Variants in DST observed in about 807,000 individuals in gnomAD.
The protein encoded by DST is bullous pemphigoid antigen.
A neutral mutation model predicts 875.2 loss-of-function variants in DST; 253 were observed. That is an observed-to-expected ratio of 0.29 (90% CI 0.26 to 0.32). DST has a LOEUF of 0.32. Among genes scored for constraint, DST ranks in the 10% least tolerant of loss-of-function variants. The pLI is 1.00. For synonymous variants in DST, 3,124 were observed against 3,197.1 expected (o/e 0.98, Z 0.77); for missense variants, 8,287 against 9,111.6 (o/e 0.91, Z 3.68).
At chr6:56,688,720 T>C (rs952690097) in intron 9 of DST, among the ~76,000 whole-genome samples, 25 of 152,218 alleles carry the variant, frequency 1.6e-4, no homozygotes, top group African/African-American at 5.3e-4. Context: ...AGGTGACTAA[T>C]TCTCAGGTGA....
At chr6:56,521,491 A>C (rs1340506917) in intron 69 of DST, among the ~76,000 whole-genome samples, 1 of 151,602 alleles carries the variant, frequency 6.6e-6, no homozygotes, top group Non-Finnish European at 1.5e-5. Flanking sequence ...AAAAAAAAAA[A>C]AAACTTTCCA....
At chr6:56,633,996 T>C (rs1050454126) in intron 27 of DST, 136 bp downstream of exon 27, 8 of 1,060,716 alleles carry the variant, frequency 7.5e-6, no homozygotes, top group Admixed American at 5.2e-5. Context: ...ATAACAAATA[T>C]TCATTGAATA....
chr6:56,726,175 A>C (rs1347018762), intron 5 of DST, among the ~76,000 whole-genome samples: 1 of 152,152 alleles, frequency 6.6e-6, no homozygotes, highest in Non-Finnish European at 1.5e-5. Context: ...CAAATGACTC[A>C]GTTTCCAAAC....
chr6:56,703,233 C>T (rs2099318414), intron 7 of DST, among the ~76,000 whole-genome samples: 1 of 152,134 alleles, frequency 6.6e-6, no homozygotes, highest in South Asian at 2.1e-4. Flanking sequence ...AAAAAAATTT[C>T]CCTAAGTTCT....
chr6:56,646,523 G>A (rs1170118338), intron 13 of DST, among the ~76,000 whole-genome samples: 1 of 151,998 alleles, frequency 6.6e-6, no homozygotes, highest in Non-Finnish European at 1.5e-5. Context: ...CCCAAATGCT[G>A]CACTTTAGCT....
chr6:56,482,187 TCACA>T lies in DST; in HGVS notation c.21403-13_21403-10del. On this transcript the variant is annotated splice_polypyrimidine_tract_variant and intron_variant, in intron 89 of 103. Transcript: ENST00000680361. ...GAGTGGAATTCCTCTGCCTAAGAGT[TCACA>T]CACACACACACCCCAAACAAAATTC... 6.3e-7 allele frequency: 1 copy of T among 1,590,648 alleles called. No homozygotes were observed. The highest frequency in any genetic ancestry group is 8.6e-7 in the Non-Finnish European group (1 of 1,161,444).
chr6:56,718,355 A>C (rs1012807062), intron 5 of DST, among the ~76,000 whole-genome samples: 3 of 152,236 alleles, frequency 2.0e-5, no homozygotes, highest in African/African-American at 7.2e-5. Context: ...ATTAAAATTA[A>C]AATGAGCTAA....
chr6:56,564,789 A>T (rs1193519722), intron 55 of DST, among the ~76,000 whole-genome samples: 1 of 152,108 alleles, frequency 6.6e-6, no homozygotes, highest in Non-Finnish European at 1.5e-5. Context: ...GGAGGGTTGA[A>T]TGTTATCGAA....
rs562245278 is a variant in DST at position 56,578,286 on chromosome 6, G to A, written c.13027+528C>T. 3.9e-5 allele frequency among the ~76,000 whole-genome samples: 6 copies of A among 152,274 alleles called. No individual in the cohort carries two copies. The South Asian group carries it at 1.2e-3, about 32-fold the overall frequency. On this transcript the variant is annotated intron_variant, in intron 50 of 103. Coordinates refer to ENST00000680361, the MANE Select transcript of DST (RefSeq NM_001374736.1). ...CTTCTCAGGAGGCTGAGATGAGGAA[G>A]ACTGCTTGAGCCCAGGAAGTCAAGG... is the stretch of plus-strand genomic sequence containing the variant.
intron 33 of DST, among the ~76,000 whole-genome samples, chr6:56,627,637 G>A (rs1159706623): frequency 6.6e-6 from 1 of 152,170 alleles, no homozygotes; most frequent in Non-Finnish European, 1.5e-5. Context: ...TCTGTCAAAT[G>A]TGGTATTTAA....
intron 4 of DST, among the ~76,000 whole-genome samples, chr6:56,743,512 A>G (rs1225816267): frequency 6.6e-6 from 1 of 152,192 alleles, no homozygotes; most frequent in Non-Finnish European, 1.5e-5. Flanking sequence ...AATTATCTTT[A>G]GAGCCCTTGC....
At chr6:56,627,831 T>C (rs1486795995) in intron 33 of DST, among the ~76,000 whole-genome samples, 168 bp downstream of exon 33, 3 of 152,162 alleles carry the variant, frequency 2.0e-5, no homozygotes, top group Admixed American at 6.5e-5. Context: ...GAAATAAAAA[T>C]AAGTCATGTA....
intron 9 of DST, among the ~76,000 whole-genome samples, chr6:56,689,452 C>T (rs562395637): frequency 6.6e-6 from 1 of 152,236 alleles, no homozygotes; most frequent in South Asian, 2.1e-4. Flanking sequence ...TTCTCTAAAT[C>T]TGGTGTGTTT....
At chr6:56,603,156 A>G (rs2098461027) in intron 42 of DST, 49 bp downstream of exon 42, 3 of 1,555,130 alleles carry the variant, frequency 1.9e-6, no homozygotes, top group Non-Finnish European at 2.6e-6. Flanking sequence ...TAAATCCTCA[A>G]ATAATAAAAT....
At chr6:56,853,125 A>C (rs1766090139) in intron 3 of DST, among the ~76,000 whole-genome samples, 1 of 152,212 alleles carries the variant, frequency 6.6e-6, no homozygotes, top group African/African-American at 2.4e-5. Flanking sequence ...TGTAAGACGT[A>C]GCTCTCTATT....
chr6:56,642,807 G>A (rs2098919579), intron 15 of DST: 1 of 1,613,548 alleles, frequency 6.2e-7, no homozygotes, highest in East Asian at 2.2e-5. Context: ...CTGAAACGAT[G>A]TTCTTTCTTT....
At chr6:56,831,981 T>G (rs989815245) in intron 4 of DST, among the ~76,000 whole-genome samples, 1 of 152,206 alleles carries the variant, frequency 6.6e-6, no homozygotes, top group African/African-American at 2.4e-5. Context: ...ATTTTACTTC[T>G]ACTGAAGCAC....
intron 61 of DST, among the ~76,000 whole-genome samples, chr6:56,547,497 AC>A (rs1036751191): frequency 3.9e-5 from 6 of 152,354 alleles, no homozygotes; most frequent in African/African-American, 1.2e-4. Context: ...AGCTTCATTA[AC>A]AAAAATCCAA....
rs551357769 is a variant in DST at position 56,691,715 on chromosome 6, A to ACTGAT, written c.1047+7937_1047+7938insATCAG. ...AGTAACTTGTCTAAAGCTAAATATC[A>ACTGAT]GTGTTAGGAATAAAGATCTCAACTT... On this transcript the variant is annotated intron_variant, in intron 9 of 103. Transcript: ENST00000680361. 5.8e-4 allele frequency among the ~76,000 whole-genome samples: 89 copies of ACTGAT among 152,310 alleles called. 5 individuals carry two copies. In the South Asian group the frequency reaches 0.018, roughly 31 times the overall value.
Sources: allele counts gnomAD v4.1 joint callset (sites outside exome capture counted in the v4.1 genomes callset), GRCh38; gene constraint gnomAD v4.1.1; transcripts MANE v1.5; gene names NCBI Gene and HGNC (gene_info 2026-07-23, HGNC 2026-07-21).